Variants in OIT3 observed in about 807,000 individuals in gnomAD.
OIT3 encodes oncoprotein induced transcript 3.
A neutral mutation model predicts 52.2 loss-of-function variants in OIT3; 41 were observed. The observed-to-expected ratio is 0.79, with a 90% CI of 0.61 to 1.02. The LOEUF (loss-of-function observed/expected upper bound fraction) is 1.02, where lower values mean the gene tolerates loss of function less well. OIT3 is among the 50% of genes least tolerant of loss of function. OIT3 has a pLI of 0.00. For synonymous variants in OIT3, 244 were observed against 276.9 expected, an observed-to-expected ratio of 0.88 and a Z score of 1.18; for missense variants, 634 against 715.5, an observed-to-expected ratio of 0.89 and a Z score of 1.30.
At chr10:72,912,655 C>T (rs1393941352) in intron 5 of OIT3, among the ~76,000 whole-genome samples, 1 of 152,032 alleles carries the variant, frequency 6.6e-6, no homozygotes, top group Non-Finnish European at 1.5e-5. Flanking sequence ...TTTCTTTGCA[C>T]AATACCATTG....
chr10:72,902,037 T>A (rs571174358), intron 3 of OIT3, among the ~76,000 whole-genome samples: 2 of 152,156 alleles, frequency 1.3e-5, no homozygotes, highest in South Asian at 4.2e-4. Context: ...AGACCCTGTC[T>A]CTGAAAAACA....
intron 1 of OIT3, among the ~76,000 whole-genome samples, chr10:72,897,521 T>G (rs1845884992): frequency 6.6e-6 from 1 of 152,212 alleles, no homozygotes; most frequent in South Asian, 2.1e-4. Context: ...ATACCAAAAT[T>G]CACTTTGAGA....
At chr10:72,930,032 C>T (rs1266358455) in intron 7 of OIT3, among the ~76,000 whole-genome samples, 3 of 152,200 alleles carry the variant, frequency 2.0e-5, no homozygotes, top group Non-Finnish European at 4.4e-5. Flanking sequence ...ATCTAAGAAA[C>T]TTGGATATTT....
intron 2 of OIT3, 89 bp from the exon 3 acceptor site, chr10:72,900,288 C>G (rs1051598353): frequency 1.1e-5 from 8 of 713,534 alleles, no homozygotes; most frequent in South Asian, 3.5e-5. Flanking sequence ...GATACCACCC[C>G]CCCCGACCCC....
chr10:72,910,451 C>T (rs570555124), intron 4 of OIT3, among the ~76,000 whole-genome samples: 3 of 152,012 alleles, frequency 2.0e-5, no homozygotes, highest in South Asian at 4.2e-4. Flanking sequence ...GTCAGGAGAT[C>T]GAGACCATCC....
intron 6 of OIT3, chr10:72,918,263 G>A: frequency 1.3e-6 from 1 of 798,626 alleles, no homozygotes; most frequent in South Asian, 1.3e-5. Flanking sequence ...TTATTTCAAA[G>A]CCCCCAAGAG....
Position 72,898,886 on chromosome 10 carries a change from A to G in OIT3, c.284A>G (p.Glu95Gly). ...PVWLNGSHPL[E>G]GDGIVQRQAC... ...TGGCTCAATGGCAGCCACCCCCTAG[A>G]AGGCGACGGCATTGTGCAACGCCAG... Residue 95 changes from glutamate to glycine, a missense_variant, in exon 2 of 9, where the codon GAA (glutamate) becomes GGA (glycine). Glu to Gly is a moderately conservative substitution (Grantham distance 98). Transcript: ENST00000334011. 6.2e-7 allele frequency: 1 copy of G among 1,614,126 alleles called. No individual in the cohort carries two copies. Among genetic ancestry groups the G allele is most frequent in the East Asian group, 2.2e-5 (1 of 44,870 alleles).
chr10:72,929,994 T>A lies in OIT3; in HGVS notation c.1368-544T>A, dbSNP rs1239739406. On this transcript the variant is annotated intron_variant, in intron 7 of 8. Transcript: ENST00000334011. ...GAAATTAAAACAATTTGGAGGTGCATGACTTTTACCCAATAGAACCAGTTA... is the reference window on the plus strand; with the variant it reads ...GAAATTAAAACAATTTGGAGGTGCAAGACTTTTACCCAATAGAACCAGTTA... 1.3e-5 allele frequency among the ~76,000 whole-genome samples: 2 copies of A among 152,368 alleles called. 1 individual carries two copies. Among genetic ancestry groups the A allele is most frequent in the Admixed American group, 1.3e-4 (2 of 15,304 alleles).
chr10:72,908,040 C>T (rs889460808), intron 4 of OIT3, among the ~76,000 whole-genome samples: 3 of 152,032 alleles, frequency 2.0e-5, no homozygotes, highest in African/African-American at 7.2e-5. Context: ...GTCAGGAGTT[C>T]GTGATCAGCC....
In OIT3 at chr10:72,893,777, T is replaced by G; in HGVS notation, c.-22T>G. On this transcript the variant is annotated 5_prime_UTR_variant, in exon 1 of 9. Transcript: ENST00000334011. ...CAGTATTAAGAGGATTTTCCAGTGTTTCTGGCAGTTGGTCCAGAAGGATGC... is the reference window on the plus strand; with the variant it reads ...CAGTATTAAGAGGATTTTCCAGTGTGTCTGGCAGTTGGTCCAGAAGGATGC... The G allele has an allele frequency of 6.3e-7, 1 of 1,598,024 alleles. No homozygotes were observed. Among genetic ancestry groups the G allele is most frequent in the Non-Finnish European group, 8.5e-7 (1 of 1,172,592 alleles).
At chr10:72,911,214 G>T (rs1056112019) in intron 4 of OIT3, among the ~76,000 whole-genome samples, 1 of 152,156 alleles carries the variant, frequency 6.6e-6, no homozygotes. Context: ...TCAGCCCAAA[G>T]CCGTTTACCC....
intron 3 of OIT3, among the ~76,000 whole-genome samples, chr10:72,905,625 CA>C (rs1296100546): frequency 6.6e-6 from 1 of 152,210 alleles, no homozygotes; most frequent in Non-Finnish European, 1.5e-5. Flanking sequence ...ATCAATTTCT[CA>C]GCTTCAAGTT....
chr10:72,894,476 G>A (rs1053820929), intron 1 of OIT3, among the ~76,000 whole-genome samples: 1 of 152,166 alleles, frequency 6.6e-6, no homozygotes, highest in Non-Finnish European at 1.5e-5. Flanking sequence ...GAGGGTGGGG[G>A]TGAGATGGAG....
In OIT3 at chr10:72,924,442, T is replaced by C; in HGVS notation, c.1165T>C (p.Phe389Leu). ...IMSRNHGIFP[F>L]TLEIFKDNEF... ...GAGCCGAAATCATGGGATCTTCCCA[T>C]TCACTCTGGAGATCTTCAAGGACAA... The change falls in exon 7 of 9, where the codon TTC becomes CTC. Residue 389 changes from phenylalanine to leucine, a missense_variant. Transcript: ENST00000334011. 2 of 1,614,190 alleles carry C rather than the reference T, an allele frequency of 1.2e-6. No individual in the cohort carries two copies. Among genetic ancestry groups the C allele is most frequent in the Non-Finnish European group, 1.7e-6 (2 of 1,180,006 alleles).
chr10:72,907,367 G>A (rs184130095), intron 4 of OIT3, among the ~76,000 whole-genome samples: 7 of 152,266 alleles, frequency 4.6e-5, no homozygotes, highest in Admixed American at 4.6e-4. Context: ...TGATTTAGTA[G>A]GTCTGAGATC....
intron 7 of OIT3, among the ~76,000 whole-genome samples, chr10:72,927,691 C>G (rs890543972): frequency 3.3e-5 from 5 of 152,152 alleles, no homozygotes; most frequent in Admixed American, 1.3e-4. Flanking sequence ...CTGACCTCAG[C>G]CCCCTCGAGT....
At chr10:72,923,722 C>T (rs765067274) in intron 6 of OIT3, among the ~76,000 whole-genome samples, 1 of 152,176 alleles carries the variant, frequency 6.6e-6, no homozygotes, top group African/African-American at 2.4e-5. Flanking sequence ...GAAACAGGAT[C>T]GAGGACCTGC....
chr10:72,893,793 A>G lies in OIT3; in HGVS notation c.-6A>G, dbSNP rs781617651. ...TTCCAGTGTTTCTGGCAGTTGGTCC[A>G]GAAGGATGCCTCCATTCCTGCTTCT... On this transcript the variant is annotated 5_prime_UTR_variant, in exon 1 of 9. Coordinates refer to ENST00000334011, the MANE Select transcript of OIT3 (RefSeq NM_152635.3). 1.2e-6 allele frequency: 2 copies of G among 1,609,180 alleles called. No individual in the cohort carries two copies. Among genetic ancestry groups the G allele is most frequent in the African/African-American group, 1.3e-5 (1 of 74,814 alleles).
chr10:72,897,218 T>C (rs551364274), intron 1 of OIT3, among the ~76,000 whole-genome samples: 1 of 152,276 alleles, frequency 6.6e-6, no homozygotes, highest in African/African-American at 2.4e-5. Context: ...GGGGTGGGGT[T>C]TCACCATGTT....
Sources: gnomAD v4.1 joint callset for allele counts (sites outside exome capture counted in the v4.1 genomes callset) on GRCh38, gnomAD v4.1.1 for gene constraint, MANE v1.5 for transcripts, NCBI Gene and HGNC (gene_info 2026-07-23, HGNC 2026-07-21) for gene names.